The following TOX3 variants were observed in gnomAD, a reference collection of about 807,000 sequenced individuals.
The protein encoded by TOX3 is TOX high mobility group box family member 3, also known as CAG trinucleotide repeat-containing gene F9 protein.
TOX3 carries 22 observed loss-of-function variants against 64.3 expected under a neutral mutation model. That is an observed-to-expected ratio of 0.34 (90% CI 0.24 to 0.49). TOX3 has a LOEUF of 0.49. Ranked by LOEUF, TOX3 falls within the 20% of genes least tolerant of loss-of-function variation. The pLI is 0.99. For synonymous variants in TOX3, 291 were observed against 273.6 expected (o/e 1.06, Z -0.63); for missense variants, 661 against 714.4 (o/e 0.93, Z 0.85).
chr16:52,533,052 T>C lies in TOX3; in HGVS notation c.87+13585A>G, dbSNP rs948736792. On this transcript the variant is annotated intron_variant, in intron 1 of 6. Transcript: ENST00000219746. ...CGTAACAAGGAATAGAAGTGGTCTA[T>C]GGAGTGTTAAGGAGGGCCTGGGTGG... Among the ~76,000 whole-genome samples the C allele has an allele frequency of 9.2e-5, 14 of 152,222 alleles. 1 individual carries two copies. The highest frequency in any genetic ancestry group is 6.5e-4 in the Admixed American group (10 of 15,284).
intron 6 of TOX3, among the ~76,000 whole-genome samples, chr16:52,443,798 G>A (rs1399898333): frequency 6.6e-6 from 1 of 152,128 alleles, no homozygotes; most frequent in Non-Finnish European, 1.5e-5. Flanking sequence ...AGTACTTGGA[G>A]TATAATTTCA....
chr16:52,476,441 G>A (rs1391694558), intron 1 of TOX3, among the ~76,000 whole-genome samples: 4 of 152,056 alleles, frequency 2.6e-5, no homozygotes, highest in Non-Finnish European at 5.9e-5. Flanking sequence ...ATAAGTAGAA[G>A]TGGATACTAA....
intron 1 of TOX3, among the ~76,000 whole-genome samples, chr16:52,514,548 C>A (rs996046928): frequency 5.9e-5 from 9 of 152,062 alleles, no homozygotes; most frequent in Non-Finnish European, 2.9e-5. Context: ...AACATTTTGG[C>A]AAGTTCAATA....
intron 1 of TOX3, among the ~76,000 whole-genome samples, chr16:52,503,392 A>G (rs1256271518): frequency 6.6e-6 from 1 of 152,248 alleles, no homozygotes; most frequent in Non-Finnish European, 1.5e-5. Flanking sequence ...GTGAACATGC[A>G]TACAGCACTT....
intron 1 of TOX3, among the ~76,000 whole-genome samples, chr16:52,507,725 T>A (rs1962196569): frequency 6.6e-6 from 1 of 152,256 alleles, no homozygotes; most frequent in South Asian, 2.1e-4. Context: ...AGATACCAGG[T>A]AATCCAGAAG....
chr16:52,462,874 T>C (rs573711899), intron 3 of TOX3, among the ~76,000 whole-genome samples: 2 of 151,808 alleles, frequency 1.3e-5, no homozygotes, highest in Non-Finnish European at 2.9e-5. Context: ...AAAACCCTGA[T>C]GTTCAGCTCA....
chr16:52,446,888 T>C (rs962898908), intron 4 of TOX3, among the ~76,000 whole-genome samples: 2 of 152,154 alleles, frequency 1.3e-5, no homozygotes, highest in African/African-American at 2.4e-5. Context: ...GGGAAATTGA[T>C]ACTCTCCGTA....
At chr16:52,497,132 C>T (rs1057084186) in intron 1 of TOX3, among the ~76,000 whole-genome samples, 67 of 152,106 alleles carry the variant, frequency 4.4e-4, no homozygotes, top group Admixed American at 1.3e-4. Flanking sequence ...ATAGAGTCTC[C>T]CTTAGCCTCA....
At chr16:52,446,512 C>T (rs1261736786) in intron 4 of TOX3, among the ~76,000 whole-genome samples, 5 of 152,232 alleles carry the variant, frequency 3.3e-5, no homozygotes, top group South Asian at 2.1e-4. Flanking sequence ...CCAGGCAATG[C>T]TATATATATG....
intron 1 of TOX3, among the ~76,000 whole-genome samples, chr16:52,520,808 A>AT (rs1263355767): frequency 1.3e-5 from 2 of 151,912 alleles, no homozygotes; most frequent in Non-Finnish European, 2.9e-5. Flanking sequence ...AACCCTAAAC[A>AT]TTTTTTTTAA....
intron 1 of TOX3, among the ~76,000 whole-genome samples, chr16:52,533,635 T>C (rs1010170771): frequency 6.6e-6 from 1 of 152,218 alleles, no homozygotes; most frequent in African/African-American, 2.4e-5. Flanking sequence ...AATCAGGTTT[T>C]CCATTTGCAG....
intron 3 of TOX3, among the ~76,000 whole-genome samples, chr16:52,461,622 A>G (rs1413721291): frequency 6.6e-6 from 1 of 152,144 alleles, no homozygotes; most frequent in Non-Finnish European, 1.5e-5. Context: ...CTTATATGAT[A>G]GTCTTAATTC....
chr16:52,521,247 A>G (rs1962600401), intron 1 of TOX3, among the ~76,000 whole-genome samples: 1 of 152,238 alleles, frequency 6.6e-6, no homozygotes, highest in South Asian at 2.1e-4. Context: ...AATGCTTTCT[A>G]TGTAATTCAA....
At chr16:52,491,028 C>T (rs1961668812) in intron 1 of TOX3, among the ~76,000 whole-genome samples, 1 of 152,178 alleles carries the variant, frequency 6.6e-6, no homozygotes, top group Non-Finnish European at 1.5e-5. Context: ...GAAGTCTGAT[C>T]ATACATGTCA....
At chr16:52,467,793 A>C (rs1345655012) in intron 2 of TOX3, among the ~76,000 whole-genome samples, 4 of 152,220 alleles carry the variant, frequency 2.6e-5, no homozygotes, top group African/African-American at 9.7e-5. Context: ...GAAATGCAGT[A>C]AAAAGAGCAG....
chr16:52,473,962 C>T (rs1567324295), intron 1 of TOX3, among the ~76,000 whole-genome samples: 1 of 152,028 alleles, frequency 6.6e-6, no homozygotes. Flanking sequence ...CATATAATCA[C>T]ACACACACAC....
At chr16:52,485,154 T>C (rs1961483328) in intron 1 of TOX3, among the ~76,000 whole-genome samples, 1 of 149,274 alleles carries the variant, frequency 6.7e-6, no homozygotes, top group Admixed American at 6.7e-5. Flanking sequence ...TATGTGTGTG[T>C]ATATATACAT....
intron 3 of TOX3, among the ~76,000 whole-genome samples, chr16:52,461,849 T>A (rs1960701811): frequency 6.6e-6 from 1 of 152,084 alleles, no homozygotes; most frequent in African/African-American, 2.4e-5. Flanking sequence ...CGCAGAGAGA[T>A]ATAGAAGAAC....
intron 1 of TOX3, among the ~76,000 whole-genome samples, chr16:52,511,901 A>G (rs1368113420): frequency 6.6e-6 from 1 of 152,228 alleles, no homozygotes; most frequent in African/African-American, 2.4e-5. Flanking sequence ...TTAAAGCAGT[A>G]TGGGAAATGC....
Sources: allele counts gnomAD v4.1 joint callset (sites outside exome capture counted in the v4.1 genomes callset), GRCh38; gene constraint gnomAD v4.1.1; transcripts MANE v1.5; gene names NCBI Gene and HGNC (gene_info 2026-07-23, HGNC 2026-07-21).